The following FAM78B variants were observed in gnomAD, a reference collection of about 807,000 sequenced individuals.
The protein encoded by FAM78B is protein FAM78B.
Under a neutral mutation model 20.0 loss-of-function variants are expected in FAM78B, and 10 were observed. The ratio of observed to expected loss-of-function variants is 0.50; its 90% CI spans 0.31 to 0.85. The LOEUF is 0.85. Ranked by LOEUF, FAM78B falls within the 40% of genes least tolerant of loss-of-function variation. FAM78B has a pLI of 0.05. For synonymous variants in FAM78B, 135 were observed against 132.8 expected (o/e 1.02, Z -0.12); for missense variants, 283 against 345.0 (o/e 0.82, Z 1.42).
rs202158388 is a variant in FAM78B at position 166,070,399 on chromosome 1, G to A, written c.628C>T (p.Arg210Trp). The A allele has an allele frequency of 1.2e-5, 19 of 1,614,110 alleles. No individual in the cohort carries two copies. The highest frequency in any genetic ancestry group is 1.6e-4 in the Middle Eastern group (1 of 6,062). ...DPLQLLGQRA[R>W]LVGRTQQEQP... ...TCCTGCTGAGTCCTGCCCACCAGCC[G>A]GGCCCGCTGCCCCAAGAGCTGAAGA... Residue 210 changes from arginine to tryptophan, a missense_variant, in exon 2 of 2, where the codon CGG becomes TGG. Transcript: ENST00000354422.
At chr1:166,061,499 T>C (rs1445292929) in intron 2 of FAM78B, among the ~76,000 whole-genome samples, 1 of 152,226 alleles carries the variant, frequency 6.6e-6, no homozygotes, top group Non-Finnish European at 1.5e-5. Context: ...GAAAACCAAA[T>C]TTCAAATTCT....
At chr1:166,062,979 T>G (rs1448004517) in intron 2 of FAM78B, among the ~76,000 whole-genome samples, 2 of 152,238 alleles carry the variant, frequency 1.3e-5, no homozygotes, top group Non-Finnish European at 2.9e-5. Context: ...CCTAGCGCCT[T>G]TCCTTCAAAG....
chr1:166,100,322 T>G (rs1184283798), intron 1 of FAM78B, among the ~76,000 whole-genome samples: 1 of 152,108 alleles, frequency 6.6e-6, no homozygotes, highest in East Asian at 1.9e-4. Context: ...GTTCATCTCA[T>G]TGGGGATTGT....
chr1:166,094,047 G>GTGTGT (rs1460623001), intron 1 of FAM78B, among the ~76,000 whole-genome samples: 15 of 147,200 alleles, frequency 1.0e-4, no homozygotes, highest in African/African-American at 1.8e-4. Context: ...GTGTGTGTGT[G>GTGTGT]GTGTTCTTGA....
intron 1 of FAM78B, among the ~76,000 whole-genome samples, chr1:166,089,363 G>A (rs1163164489): frequency 1.3e-5 from 2 of 152,212 alleles, no homozygotes; most frequent in Non-Finnish European, 2.9e-5. Context: ...GGATATAGTG[G>A]TATTCCATCA....
chr1:166,080,816 G>A (rs1652537872), intron 1 of FAM78B, among the ~76,000 whole-genome samples: 1 of 152,222 alleles, frequency 6.6e-6, no homozygotes, highest in South Asian at 2.1e-4. Flanking sequence ...AGGAGGAGCT[G>A]GAAATAACAG....
chr1:166,143,249 G>T (rs1655342014), intron 1 of FAM78B, among the ~76,000 whole-genome samples: 1 of 152,128 alleles, frequency 6.6e-6, no homozygotes, highest in Non-Finnish European at 1.5e-5. Context: ...TCAGACTGGG[G>T]GAAGGGTGCC....
chr1:166,094,863 G>C (rs1269061200), intron 1 of FAM78B, among the ~76,000 whole-genome samples: 1 of 152,212 alleles, frequency 6.6e-6, no homozygotes, highest in Non-Finnish European at 1.5e-5. Flanking sequence ...CCTATTGAAT[G>C]CTGGAGGGTT....
Position 166,116,383 on chromosome 1 carries a change from G to T in FAM78B, c.264-45620C>A, listed in dbSNP as rs1006477173. On this transcript the variant is annotated intron_variant, in intron 1 of 1. Transcript: ENST00000354422. ...TGCTGTTTGTCTGTATTCAGGAGGG[G>T]GATGCTATTCCCACATAGGCCAGGT... 8.6e-4 allele frequency among the ~76,000 whole-genome samples: 131 copies of T among 152,292 alleles called. 1 individual carries two copies. The highest frequency in any genetic ancestry group is 3.1e-3 in the African/African-American group (130 of 41,564).
chr1:166,087,051 C>CTATT (rs1014046428), intron 1 of FAM78B: 1 of 151,864 alleles, frequency 6.6e-6, no homozygotes, highest in Non-Finnish European at 1.5e-5. Flanking sequence ...TACCGGGCGG[C>CTATT]TATTATGATT....
At chr1:166,085,924 G>A (rs138684470) in intron 1 of FAM78B, among the ~76,000 whole-genome samples, 21 of 152,166 alleles carry the variant, frequency 1.4e-4, no homozygotes, top group Non-Finnish European at 2.2e-4. Flanking sequence ...AAGTTGAGAA[G>A]ATCAAGACAG....
downstream of FAM78B, among the ~76,000 whole-genome samples, chr1:166,065,867 G>T (rs919743468): frequency 2.0e-5 from 3 of 152,210 alleles, no homozygotes; most frequent in African/African-American, 7.2e-5. Context: ...TAGAGTTCAG[G>T]CATTCATTGG....
chr1:166,092,069 G>A (rs1653098940), intron 1 of FAM78B, among the ~76,000 whole-genome samples: 1 of 150,506 alleles, frequency 6.6e-6, no homozygotes, highest in Non-Finnish European at 1.5e-5. Context: ...AAAAGTGGGG[G>A]AAGCTTATGT....
chr1:166,157,002 A>T (rs1367330279), intron 1 of FAM78B, among the ~76,000 whole-genome samples: 1 of 94,130 alleles, frequency 1.1e-5, no homozygotes, highest in Non-Finnish European at 1.9e-5. Flanking sequence ...AAGGAGGGTG[A>T]CTTCTGAGTG....
At chr1:166,059,556 T>C (rs995986273) in exon 3 of FAM78B, 1 of 152,208 alleles carries the variant, frequency 6.6e-6, no homozygotes, top group Non-Finnish European at 1.5e-5. Context: ...GATGTTAGAA[T>C]ACTACATCAG....
chr1:166,109,890 G>GTATGTGTA lies in FAM78B; in HGVS notation c.264-39128_264-39127insTACACATA, dbSNP rs1433152486. The stretch of plus-strand genomic sequence containing the variant: ...TGTGTATATATATATATGTATATAT[G>GTATGTGTA]TATATATATATATATATATATATAT... On this transcript the variant is annotated intron_variant, in intron 1 of 1. Coordinates refer to ENST00000354422, the MANE Select transcript of FAM78B (RefSeq NM_001017961.5). 6.5e-4 allele frequency among the ~76,000 whole-genome samples: 15 copies of GTATGTGTA among 23,194 alleles called. 2 individuals carry two copies. Among genetic ancestry groups the GTATGTGTA allele is most frequent in the African/African-American group, 1.1e-3 (12 of 10,886 alleles). 15.2% of individuals were successfully genotyped at this position (23,194 alleles called of 152,430 possible). A position where few individuals can be genotyped will look rare whatever the true frequency, so the allele number is the denominator to read the frequency against.
chr1:166,166,374 T>C lies in FAM78B; in HGVS notation c.-126A>G, dbSNP rs1473102620. On this transcript the variant is annotated 5_prime_UTR_variant, in exon 1 of 2. Coordinates refer to ENST00000354422, the MANE Select transcript of FAM78B (RefSeq NM_001017961.5). Reference sequence around the variant, plus strand: ...CTCCCGGTCAGACTCAGCTCGCACCTAGGAGCGGGGAGCCGCCGGGCATCC... The same window carrying C: ...CTCCCGGTCAGACTCAGCTCGCACCCAGGAGCGGGGAGCCGCCGGGCATCC... The C allele has an allele frequency of 6.8e-6, 6 of 887,848 alleles. No homozygotes were observed. Among genetic ancestry groups the C allele is most frequent in the Admixed American group, 5.7e-5 (1 of 17,612 alleles). The allele number at this position is 887,848 out of a possible 1,614,324, so 55.0% of individuals were successfully genotyped here.
At chr1:166,163,926 T>C (rs1032513520) in intron 1 of FAM78B, among the ~76,000 whole-genome samples, 2 of 152,168 alleles carry the variant, frequency 1.3e-5, no homozygotes, top group African/African-American at 4.8e-5. Flanking sequence ...CAAAACCACT[T>C]TCCAAATCCC....
rs574871864 is a variant in FAM78B at position 166,120,119 on chromosome 1, C to T, written c.263+45867G>A. Among the ~76,000 whole-genome samples, 60 of 152,278 alleles carry T rather than the reference C, an allele frequency of 3.9e-4. 1 individual carries two copies. The South Asian group carries it at 0.012, about 30-fold the overall frequency. On this transcript the variant is annotated intron_variant, in intron 1 of 1. Coordinates refer to ENST00000354422, the MANE Select transcript of FAM78B (RefSeq NM_001017961.5). The stretch of plus-strand genomic sequence containing the variant: ...GCCGAGAATCAAAGATAAATAAAGT[C>T]CTTGTCTTTACATTTATTGAGAATC...
Sources: gnomAD v4.1 joint callset for allele counts (sites outside exome capture counted in the v4.1 genomes callset) on GRCh38, gnomAD v4.1.1 for gene constraint, MANE v1.5 for transcripts, NCBI Gene and HGNC (gene_info 2026-07-23, HGNC 2026-07-21) for gene names.